The following CACNA1A variants were observed in gnomAD, a reference collection of about 807,000 sequenced individuals.
The protein encoded by CACNA1A is voltage-dependent P/Q-type calcium channel subunit alpha-1A.
CACNA1A carries 57 observed loss-of-function variants against 262.4 expected under a neutral mutation model. The ratio of observed to expected loss-of-function variants is 0.22; its 90% CI spans 0.18 to 0.27. CACNA1A has a LOEUF of 0.27. CACNA1A is among the 10% of genes least tolerant of loss of function. The probability of loss-of-function intolerance (pLI) is 1.00; values close to 1 mark genes in which losing one functional copy is unlikely to be tolerated. For missense variants in CACNA1A, 2,526 were observed against 3,562.8 expected (o/e 0.71, Z 7.41); for synonymous variants, 1,431 against 1,419.3 (o/e 1.01, Z -0.18).
intron 6 of CACNA1A, among the ~76,000 whole-genome samples, chr19:13,359,192 C>T (rs1323669473): frequency 6.6e-6 from 1 of 152,202 alleles, no homozygotes; most frequent in Non-Finnish European, 1.5e-5. Flanking sequence ...CCAGGAACTT[C>T]TCATCCCACG....
At chr19:13,447,969 C>T (rs1017256566) in intron 3 of CACNA1A, among the ~76,000 whole-genome samples, 1 of 151,916 alleles carries the variant, frequency 6.6e-6, no homozygotes, top group Non-Finnish European at 1.5e-5. Context: ...CAGACACACC[C>T]AGGAACAAGA....
At chr19:13,228,833 G>A (rs1319444931) in intron 36 of CACNA1A, 11 of 1,208,014 alleles carry the variant, frequency 9.1e-6, no homozygotes, top group Non-Finnish European at 1.2e-5. Flanking sequence ...CAGGCAATGG[G>A]TTCACACGGG....
chr19:13,310,532 T>G, intron 12 of CACNA1A, among the ~76,000 whole-genome samples: 1 of 77,642 alleles, frequency 1.3e-5, no homozygotes, highest in Non-Finnish European at 2.3e-5. Context: ...AGAGAGAGAG[T>G]TTAATTTTGT....
intron 1 of CACNA1A, among the ~76,000 whole-genome samples, chr19:13,468,731 G>A (rs2061298472): frequency 6.6e-6 from 1 of 152,142 alleles, no homozygotes; most frequent in South Asian, 2.1e-4. Flanking sequence ...AGGCTGCAGT[G>A]AGCCAAGATC....
chr19:13,313,653 A>T (rs1017938610), intron 11 of CACNA1A, among the ~76,000 whole-genome samples: 1 of 152,156 alleles, frequency 6.6e-6, no homozygotes. Context: ...GATCGGATAT[A>T]GATTATTGCC....
chr19:13,414,328 G>A (rs2060184153), intron 3 of CACNA1A, among the ~76,000 whole-genome samples: 1 of 152,114 alleles, frequency 6.6e-6, no homozygotes, highest in Non-Finnish European at 1.5e-5. Context: ...AGCCCAAGAA[G>A]TCGAGGCTGC....
At chr19:13,286,174 G>A (rs2057394319) in intron 20 of CACNA1A, among the ~76,000 whole-genome samples, 1 of 152,052 alleles carries the variant, frequency 6.6e-6, no homozygotes, top group Non-Finnish European at 1.5e-5. Context: ...GCTGGGCCGA[G>A]AGAATCAATC....
At chr19:13,417,251 T>G (rs770345483) in intron 3 of CACNA1A, among the ~76,000 whole-genome samples, 1 of 152,118 alleles carries the variant, frequency 6.6e-6, no homozygotes, top group Non-Finnish European at 1.5e-5. Context: ...AGAAGCGCTG[T>G]GTTAACTGTG....
In CACNA1A at chr19:13,506,150, C is replaced by G. The variant is rs1255030075; in HGVS notation, c.75G>C (p.Val25=). Residue 25 remains valine (V), a synonymous_variant, in exon 1 of 47, where the codon GTG becomes GTC. Coordinates refer to ENST00000360228, the MANE Select transcript of CACNA1A (RefSeq NM_001127222.2). ...CGGCTCCTCGCCCGCCTCCGCTGCC[C>G]ACGACCACCCCGGCGGCTGCCCCGG... The part of the protein sequence containing the change: ...GGSGAAAGVV[V]GSGGGRGAGG... The G allele has an allele frequency of 1.9e-6, 3 of 1,570,810 alleles. No homozygotes were observed. Among genetic ancestry groups the G allele is most frequent in the Middle Eastern group, 1.7e-4 (1 of 5,980 alleles).
At chr19:13,291,972 G>A (rs1341785011) in intron 19 of CACNA1A, among the ~76,000 whole-genome samples, 1 of 152,140 alleles carries the variant, frequency 6.6e-6, no homozygotes, top group Non-Finnish European at 1.5e-5. Context: ...AGATGCAGGT[G>A]GAATTAGGAT....
chr19:13,294,486 G>GTTTTTTTTTTTTTTT (rs1568503058), intron 19 of CACNA1A, among the ~76,000 whole-genome samples: 1 of 87,248 alleles, frequency 1.1e-5, no homozygotes, highest in African/African-American at 5.0e-5. Context: ...ACTGTACCTG[G>GTTTTTTTTTTTTTTT]CTTTTTTTTT....
chr19:13,230,296 GGACA>G, intron 35 of CACNA1A, 87 bp from the exon 36 acceptor site: 5 of 1,451,944 alleles, frequency 3.4e-6, no homozygotes, highest in Non-Finnish European at 4.8e-6. Flanking sequence ...ACAGACAGAC[GGACA>G]GACAGACCCA....
At chr19:13,437,358 A>G (rs1415037651) in intron 3 of CACNA1A, among the ~76,000 whole-genome samples, 1 of 152,102 alleles carries the variant, frequency 6.6e-6, no homozygotes, top group African/African-American at 2.4e-5. Context: ...GTTTCCATAA[A>G]CCTAACACTG....
chr19:13,344,735 A>T (rs201344059), intron 6 of CACNA1A, among the ~76,000 whole-genome samples: 27 of 116,300 alleles, frequency 2.3e-4, no homozygotes, highest in African/African-American at 9.1e-4. Context: ...TGGATCATTT[A>T]TTTTATTTAT....
intron 3 of CACNA1A, among the ~76,000 whole-genome samples, chr19:13,388,162 G>C (rs576081366): frequency 7.4e-6 from 1 of 135,676 alleles, no homozygotes; most frequent in East Asian, 1.9e-4. Context: ...GCCACTCCTA[G>C]GTTGAGGACT....
At chr19:13,410,057 T>C (rs2060082445) in intron 3 of CACNA1A, among the ~76,000 whole-genome samples, 1 of 152,312 alleles carries the variant, frequency 6.6e-6, no homozygotes. Flanking sequence ...CCTGTTTCTA[T>C]AGATAACTGT....
At chr19:13,319,880 T>C (rs935813302) in intron 10 of CACNA1A, among the ~76,000 whole-genome samples, 1 of 151,472 alleles carries the variant, frequency 6.6e-6, no homozygotes, top group African/African-American at 2.4e-5. Context: ...CTGAGGGGGG[T>C]CTAGTAACCA....
chr19:13,312,608 A>G (rs2058056094), intron 12 of CACNA1A, 61 bp downstream of exon 12: 1 of 946,936 alleles, frequency 1.1e-6, no homozygotes, highest in Non-Finnish European at 1.6e-6. Context: ...TAATGTGTCC[A>G]GGTATCTGTC....
rs1568586396 is a variant in CACNA1A at position 13,376,842 on chromosome 19, GATATATAACACATATGTTATATGTGAT to G, written c.540-5090_540-5064del. 3.7e-3 allele frequency among the ~76,000 whole-genome samples: 516 copies of G among 140,194 alleles called. 3 individuals are homozygous for G. The highest frequency in any genetic ancestry group is 0.013 in the African/African-American group (485 of 38,424). The allele number at this position is 140,194 out of a possible 152,430, so 92.0% of individuals were successfully genotyped here. On this transcript the variant is annotated intron_variant, in intron 3 of 46. Transcript: ENST00000360228. The stretch of plus-strand genomic sequence containing the variant: ...GTGATATATAACACATGTTATATGT[GATATATAACACATATGTTATATGTGAT>G]ATATATAACACATGATATATGTTAT...
Sources: allele counts gnomAD v4.1 joint callset (sites outside exome capture counted in the v4.1 genomes callset), GRCh38; gene constraint gnomAD v4.1.1; transcripts MANE v1.5; gene names NCBI Gene and HGNC (gene_info 2026-07-23, HGNC 2026-07-21).